The following MYO3A variants were observed in gnomAD, a reference collection of about 807,000 sequenced individuals.
MYO3A encodes the protein myosin-IIIa.
A neutral mutation model predicts 192.7 loss-of-function variants in MYO3A; 180 were observed. The observed-to-expected ratio is 0.93, with a 90% confidence interval of 0.83 to 1.06. The LOEUF (loss-of-function observed/expected upper bound fraction) is 1.06. MYO3A is among the 50% of genes least tolerant of loss of function. The pLI, the probability that MYO3A is intolerant of heterozygous loss-of-function variation, is 0.00. For missense variants in MYO3A, 1,896 were observed against 1,905.0 expected (o/e 1.00, Z 0.09); for synonymous variants, 628 against 645.3 (o/e 0.97, Z 0.41).
intron 4 of MYO3A, 128 bp downstream of exon 4, chr10:25,955,136 G>A (rs1258850951): frequency 7.4e-7 from 1 of 1,355,132 alleles, no homozygotes; most frequent in Non-Finnish European, 1.0e-6. Flanking sequence ...AGCCATGAAT[G>A]TTGTGCCTAG....
At chr10:26,188,847 A>G (rs1248758297) in intron 31 of MYO3A, among the ~76,000 whole-genome samples, 1 of 152,064 alleles carries the variant, frequency 6.6e-6, no homozygotes, top group Non-Finnish European at 1.5e-5. Flanking sequence ...ATTGGTCTAT[A>G]TCTCTGTTTT....
intron 9 of MYO3A, among the ~76,000 whole-genome samples, chr10:26,024,926 A>T (rs1433528870): frequency 6.6e-6 from 1 of 152,220 alleles, no homozygotes; most frequent in Admixed American, 6.5e-5. Context: ...CTCTATAACT[A>T]GACAGTAAGC....
intron 14 of MYO3A, among the ~76,000 whole-genome samples, chr10:26,079,553 G>C (rs543311806): frequency 6.6e-6 from 1 of 151,950 alleles, no homozygotes; most frequent in Non-Finnish European, 1.5e-5. Context: ...TTTGTTGCTC[G>C]TGTACTTTTG....
chr10:26,071,962 T>G (rs113627427), intron 14 of MYO3A, among the ~76,000 whole-genome samples: 80 of 152,288 alleles, frequency 5.3e-4, no homozygotes, highest in Non-Finnish European at 9.4e-4. Context: ...GAAAGAGGTT[T>G]AATTGACTCA....
Position 26,211,843 on chromosome 10 carries a change from G to A in MYO3A, c.4731G>A (p.Arg1577=), listed in dbSNP as rs761276942. The A allele has an allele frequency of 6.2e-6, 10 of 1,614,000 alleles. No individual in the cohort carries two copies. The highest frequency in any genetic ancestry group is 1.6e-4 in the Middle Eastern group (1 of 6,074). The change falls in exon 35 of 35, where the codon AGG becomes AGA. Residue 1577 remains arginine, a splice_region_variant and synonymous_variant. Coordinates refer to ENST00000642920, the MANE Select transcript of MYO3A (RefSeq NM_017433.5). Reference sequence around the variant, plus strand: ...CTTGGGCCCTGGGTTTCACTTGCAGGTGCTGGGCGGCGGAGAGCCCCGAGA... The same window carrying A: ...CTTGGGCCCTGGGTTTCACTTGCAGATGCTGGGCGGCGGAGAGCCCCGAGA... ...LQNQCIKANE[R]CWAAESPEKE...
chr10:25,973,723 G>A (rs941325368), intron 4 of MYO3A, among the ~76,000 whole-genome samples: 13 of 152,028 alleles, frequency 8.6e-5, no homozygotes, highest in African/African-American at 2.2e-4. Context: ...AAACAGCATG[G>A]TATGGGTACC....
intron 2 of MYO3A, among the ~76,000 whole-genome samples, chr10:25,949,181 G>A (rs1837046917): frequency 6.6e-6 from 1 of 151,888 alleles, no homozygotes. Context: ...ATCTATCCAT[G>A]AGTTTTCTAT....
intron 4 of MYO3A, among the ~76,000 whole-genome samples, chr10:25,978,436 C>T (rs1395978882): frequency 6.6e-6 from 1 of 152,178 alleles, no homozygotes; most frequent in Admixed American, 6.5e-5. Context: ...CAGGGAAACA[C>T]CCCTTTCTAT....
intron 17 of MYO3A, among the ~76,000 whole-genome samples, chr10:26,116,699 A>G (rs1215873473): frequency 6.6e-6 from 1 of 152,206 alleles, no homozygotes; most frequent in Admixed American, 6.5e-5. Context: ...TCCAAAATCT[A>G]GATCCTGCAT....
chr10:26,086,842 G>C (rs1056408158), intron 14 of MYO3A, among the ~76,000 whole-genome samples: 1 of 152,166 alleles, frequency 6.6e-6, no homozygotes, highest in African/African-American at 2.4e-5. Flanking sequence ...ACGGGTCTTT[G>C]CTATTCTGTC....
At chr10:26,060,302 T>TAAA (rs773441368) in intron 10 of MYO3A, among the ~76,000 whole-genome samples, 21 of 147,976 alleles carry the variant, frequency 1.4e-4, no homozygotes, top group African/African-American at 4.5e-4. Context: ...AATAAATAAA[T>TAAA]TTAAAAAATA....
At chr10:26,071,968 A>T (rs915349170) in intron 14 of MYO3A, among the ~76,000 whole-genome samples, 1 of 152,166 alleles carries the variant, frequency 6.6e-6, no homozygotes, top group Non-Finnish European at 1.5e-5. Flanking sequence ...GGTTTAATTG[A>T]CTCACAGTTT....
chr10:26,021,562 C>T lies in MYO3A; in HGVS notation c.645C>T (p.Ser215=), dbSNP rs111860916. The T allele has an allele frequency of 6.2e-7, 1 of 1,613,948 alleles. No individual in the cohort carries two copies. Among genetic ancestry groups the T allele is most frequent in the African/African-American group, 1.3e-5 (1 of 74,894 alleles). The part of the protein sequence containing the change: ...TTYDARCDTW[S]LGITAIELGD... ...ATGACGCCAGATGTGACACTTGGTC[C>T]CTGGGTATCACGGCCATTGAGCTGG... The change falls in exon 8 of 35, where the codon TCC becomes TCT. Residue 215 remains serine (S), a synonymous_variant. Transcript: ENST00000642920.
At chr10:26,209,514 G>A (rs1399373899) in intron 34 of MYO3A, among the ~76,000 whole-genome samples, 1 of 152,090 alleles carries the variant, frequency 6.6e-6, no homozygotes, top group Non-Finnish European at 1.5e-5. Flanking sequence ...TCAAGGTCAG[G>A]TTTCCTCTCC....
intron 4 of MYO3A, among the ~76,000 whole-genome samples, chr10:25,995,760 G>C (rs961069727): frequency 2.0e-5 from 3 of 152,182 alleles, no homozygotes; most frequent in Admixed American, 6.5e-5. Context: ...GAGTTTGCTG[G>C]AGGTCCACTC....
intron 26 of MYO3A, among the ~76,000 whole-genome samples, chr10:26,165,596 AG>A (rs1464850105): frequency 2.6e-5 from 4 of 152,228 alleles, no homozygotes; most frequent in African/African-American, 9.6e-5. Flanking sequence ...CAATGATGGA[AG>A]GCATGTATAC....
intron 17 of MYO3A, among the ~76,000 whole-genome samples, chr10:26,118,453 A>G (rs574256543): frequency 6.6e-6 from 1 of 152,224 alleles, no homozygotes; most frequent in East Asian, 1.9e-4. Context: ...TGTTATATCC[A>G]AGCCACTGTT....
chr10:26,113,615 G>T (rs116319739), intron 17 of MYO3A, among the ~76,000 whole-genome samples: 2,657 of 152,064 alleles, frequency 0.017, 83 homozygotes, highest in African/African-American at 0.058. Flanking sequence ...CATAAAACAA[G>T]TTACAATTCC....
At position 25,997,321 on chromosome 10, in the gene MYO3A, T is replaced by C; in HGVS notation, c.508+63T>C. 3.2e-6 allele frequency: 4 copies of C among 1,262,484 alleles called. No individual in the cohort carries two copies. In the South Asian group the frequency reaches 4.8e-5, roughly 15 times the overall value. 78.2% of individuals were successfully genotyped at this position (1,262,484 alleles called of 1,614,324 possible). On this transcript the variant is annotated intron_variant, in intron 6 of 34. Coordinates refer to ENST00000642920, the MANE Select transcript of MYO3A (RefSeq NM_017433.5). Reference sequence around the variant, plus strand: ...AATGAACTAGTATGATATGATTTGATCTTTTTCGAATGGCCTTCCTTTCTA... The same window carrying C: ...AATGAACTAGTATGATATGATTTGACCTTTTTCGAATGGCCTTCCTTTCTA...
Sources: gnomAD v4.1 joint callset for allele counts (sites outside exome capture counted in the v4.1 genomes callset) on GRCh38, gnomAD v4.1.1 for gene constraint, MANE v1.5 for transcripts, NCBI Gene and HGNC (gene_info 2026-07-23, HGNC 2026-07-21) for gene names.